HYDIN: variants seen among roughly 807,000 people sequenced by gnomAD.
HYDIN encodes the protein HYDIN axonemal central pair apparatus protein, also known as axonemal central pair apparatus protein HYDIN.
In HYDIN, 132 loss-of-function variants were observed where a neutral mutation model predicts 403.9. The observed-to-expected ratio is 0.33, with a 90% CI of 0.28 to 0.38. The LOEUF (loss-of-function observed/expected upper bound fraction) is 0.38. Among genes scored for constraint, HYDIN ranks in the 10% least tolerant of loss-of-function variants. HYDIN has a pLI of 1.00. For synonymous variants in HYDIN, 1,202 were observed against 1,891.7 expected, an observed-to-expected ratio of 0.64 and a Z score of 9.46; for missense variants, 2,827 against 5,009.5, an observed-to-expected ratio of 0.56 and a Z score of 13.15.
At chr16:70,837,507 G>A (rs2037512317) in intron 77 of HYDIN, among the ~76,000 whole-genome samples, 183 bp downstream of exon 77, 1 of 152,024 alleles carries the variant, frequency 6.6e-6, no homozygotes, top group Admixed American at 6.5e-5. Context: ...AGTCTGATCT[G>A]GTGATTTGCC....
Position 71,136,274 on chromosome 16 carries a change from CA to C in HYDIN, c.1043+876del, listed in dbSNP as rs2084915198. Among the ~76,000 whole-genome samples, 3 of 136,570 alleles carry C rather than the reference CA, an allele frequency of 2.2e-5. 1 individual carries two copies. The South Asian group carries it at 8.0e-4, about 37-fold the overall frequency. 89.6% of individuals were successfully genotyped at this position (136,570 alleles called of 152,430 possible). Reference sequence around the variant, plus strand: ...TTTAAAACCATAATATTAAAGATACCAATAAGAAATCATTATTAACTTATAT... The same window carrying C: ...TTTAAAACCATAATATTAAAGATACCATAAGAAATCATTATTAACTTATAT... On this transcript the variant is annotated intron_variant, in intron 8 of 85. Transcript: ENST00000393567.
chr16:70,807,532 C>A lies in HYDIN; in HGVS notation c.*48G>T. ...ATTGTTTTCTCTATTCTTTTTCAGG[C>A]TAAGACAATGCATAGCTTTTGGTTG... On this transcript the variant is annotated 3_prime_UTR_variant, in exon 86 of 86. Transcript: ENST00000393567. 6.5e-7 allele frequency: 1 copy of A among 1,539,778 alleles called. No homozygotes were observed. The highest frequency in any genetic ancestry group is 1.3e-5 in the South Asian group (1 of 77,936).
At chr16:71,173,050 T>G (rs2086532854) in intron 5 of HYDIN, among the ~76,000 whole-genome samples, 1 of 152,194 alleles carries the variant, frequency 6.6e-6, no homozygotes, top group Non-Finnish European at 1.5e-5. Context: ...TGAAAGCGAA[T>G]GTAGATAACT....
chr16:71,196,173 T>C (rs535072884), intron 1 of HYDIN, among the ~76,000 whole-genome samples: 1 of 152,354 alleles, frequency 6.6e-6, no homozygotes, highest in African/African-American at 2.4e-5. Flanking sequence ...GTAGTAGATG[T>C]GAAAGGCAAT....
In HYDIN at chr16:70,806,797, C is replaced by A. The variant is rs573556377; in HGVS notation, c.*783G>T. 1.3e-5 allele frequency among the ~76,000 whole-genome samples: 2 copies of A among 152,266 alleles called. No homozygotes were observed. The highest frequency in any genetic ancestry group is 4.1e-4 in the South Asian group (2 of 4,820). On this transcript the variant is annotated 3_prime_UTR_variant, in exon 86 of 86. Coordinates refer to ENST00000393567, the MANE Select transcript of HYDIN (RefSeq NM_001270974.2). ...AAGTTAAATGTATATAATAAAGATG[C>A]CCACACCCCTCTCCAGACCAATTAC... is the stretch of plus-strand genomic sequence containing the variant.
At chr16:71,003,713 T>C (rs2079797509) in intron 23 of HYDIN, among the ~76,000 whole-genome samples, 1 of 151,046 alleles carries the variant, frequency 6.6e-6, no homozygotes, top group African/African-American at 2.4e-5. Context: ...GCAGGAGAAT[T>C]GCTAGAACCC....
chr16:71,045,575 G>T (rs1278358626), intron 18 of HYDIN, among the ~76,000 whole-genome samples: 1 of 146,426 alleles, frequency 6.8e-6, no homozygotes, highest in Non-Finnish European at 1.5e-5. Context: ...CATCTTTTGA[G>T]AGTCATCACC....
At chr16:70,891,447 C>T in intron 57 of HYDIN, among the ~76,000 whole-genome samples, 199 bp downstream of exon 57, 1 of 152,226 alleles carries the variant, frequency 6.6e-6, no homozygotes, top group Admixed American at 6.5e-5. Flanking sequence ...CCTTGGCCTC[C>T]CAAAGCGCTG....
At chr16:70,930,746 C>T (rs939797100) in intron 45 of HYDIN, among the ~76,000 whole-genome samples, 5 of 152,158 alleles carry the variant, frequency 3.3e-5, no homozygotes, top group Admixed American at 3.3e-4. Context: ...CTGACCACTG[C>T]AGATGCAAAA....
chr16:71,138,605 A>C (rs1236390224), intron 7 of HYDIN, among the ~76,000 whole-genome samples: 1 of 151,606 alleles, frequency 6.6e-6, no homozygotes, highest in Non-Finnish European at 1.5e-5. Context: ...TTCCAAAAAA[A>C]AGGTATGCAC....
chr16:71,027,621 C>G lies in HYDIN; in HGVS notation c.3023G>C (p.Gly1008Ala). 6.2e-7 allele frequency: 1 copy of G among 1,613,834 alleles called. No homozygotes were observed. The highest frequency in any genetic ancestry group is 8.5e-7 in the Non-Finnish European group (1 of 1,179,956). ...PGQAIDVILE[G>A]YSATPRIVKE... ...CCTTACCCTGGGAGTAGCAGAATAG[C>G]CTTCGAGTATCACATCAATTGCCTG... is the stretch of plus-strand genomic sequence containing the variant. Residue 1008 changes from glycine (G) to alanine (A), a missense_variant, in exon 20 of 86, where the codon GGC becomes GCC. By Grantham distance (60) the Gly-to-Ala change is moderately conservative. Transcript: ENST00000393567.
intron 1 of HYDIN, among the ~76,000 whole-genome samples, chr16:71,215,919 C>T (rs2144744552): frequency 6.6e-6 from 1 of 152,162 alleles, no homozygotes; most frequent in East Asian, 1.9e-4. Flanking sequence ...ATTAAAACCA[C>T]AAGATGCCCC....
At chr16:71,058,672 T>C (rs2081982408) in intron 18 of HYDIN, among the ~76,000 whole-genome samples, 1 of 148,444 alleles carries the variant, frequency 6.7e-6, no homozygotes, top group African/African-American at 2.5e-5. Context: ...CACCATTTCA[T>C]GTCTGTTCTT....
intron 45 of HYDIN, among the ~76,000 whole-genome samples, chr16:70,928,180 A>G (rs992764525): frequency 1.3e-5 from 2 of 152,236 alleles, no homozygotes; most frequent in African/African-American, 2.4e-5. Flanking sequence ...ATTCAAATAC[A>G]TAACTACATT....
chr16:70,867,066 G>A (rs2039802472), intron 66 of HYDIN, among the ~76,000 whole-genome samples: 1 of 147,396 alleles, frequency 6.8e-6, no homozygotes, highest in Non-Finnish European at 1.5e-5. Flanking sequence ...TATAAATTTG[G>A]TAAGGATATT....
chr16:71,025,879 G>A (rs1260662073), intron 20 of HYDIN, among the ~76,000 whole-genome samples: 1 of 152,120 alleles, frequency 6.6e-6, no homozygotes, highest in East Asian at 1.9e-4. Flanking sequence ...ATTGAAAACT[G>A]TAGTTGGAAA....
chr16:70,964,498 T>C (rs1257863843), intron 37 of HYDIN, among the ~76,000 whole-genome samples: 1 of 151,746 alleles, frequency 6.6e-6, no homozygotes, highest in African/African-American at 2.4e-5. Context: ...TTTTAGGTCA[T>C]ACTACCCCAA....
At chr16:71,211,931 C>T (rs896470882) in intron 1 of HYDIN, among the ~76,000 whole-genome samples, 6 of 151,918 alleles carry the variant, frequency 3.9e-5, no homozygotes, top group Non-Finnish European at 5.9e-5. Context: ...CTTCAAGGCA[C>T]GGGAATCTAA....
intron 7 of HYDIN, among the ~76,000 whole-genome samples, chr16:71,144,302 CTT>C (rs1419674725): frequency 4.8e-5 from 7 of 144,544 alleles, no homozygotes; most frequent in Non-Finnish European, 1.1e-4. Context: ...AAGTGCAAAA[CTT>C]CAGCAATTAA....
Sources: allele counts gnomAD v4.1 joint callset (sites outside exome capture counted in the v4.1 genomes callset), GRCh38; gene constraint gnomAD v4.1.1; transcripts MANE v1.5; gene names NCBI Gene and HGNC (gene_info 2026-07-23, HGNC 2026-07-21).